HPD: variants seen among roughly 807,000 people sequenced by gnomAD.
The protein encoded by HPD is 4-hydroxyphenylpyruvate dioxygenase, also known as 4-hydroxyphenylpyruvic acid oxidase.
A neutral mutation model predicts 56.9 loss-of-function variants in HPD; 35 were observed. The observed-to-expected ratio is 0.62, with a 90% CI of 0.47 to 0.82. The LOEUF is 0.82. Among genes scored for constraint, HPD ranks in the 40% least tolerant of loss-of-function variants. The probability of loss-of-function intolerance (pLI) is 0.00; values close to 1 mark genes in which losing one functional copy is unlikely to be tolerated. For missense variants in HPD, 442 were observed against 506.8 expected, an observed-to-expected ratio of 0.87 and a Z score of 1.23; for synonymous variants, 186 against 200.2, an observed-to-expected ratio of 0.93 and a Z score of 0.60.
chr12:121,883,325 G>GT, the HPD span, among the ~76,000 whole-genome samples: 1 of 151,470 alleles, frequency 6.6e-6, no homozygotes. Context: ...CCATTAAGCA[G>GT]TAGCGTGCCA....
intron 8 of HPD, 81 bp from the exon 9 acceptor site, chr12:121,849,157 A>C: frequency 1.2e-6 from 1 of 826,314 alleles, no homozygotes; most frequent in Non-Finnish European, 2.1e-6. Context: ...AATAATAATA[A>C]TAGCTCACAC....
chr12:121,858,345 C>T (rs113718502), intron 2 of HPD, among the ~76,000 whole-genome samples: 467 of 152,118 alleles, frequency 3.1e-3, no homozygotes, highest in Middle Eastern at 6.8e-3. Flanking sequence ...CTACCATGCC[C>T]GGCTAATTTT....
upstream of HPD, among the ~76,000 whole-genome samples, chr12:121,864,014 G>A (rs1253723571): frequency 2.7e-5 from 4 of 149,678 alleles, no homozygotes; most frequent in African/African-American, 9.9e-5. Flanking sequence ...GATCATTTGA[G>A]GTCAGGAATT....
At chr12:121,868,366 C>T (rs536980000), upstream of HPD, among the ~76,000 whole-genome samples, 22 of 152,144 alleles carry the variant, frequency 1.4e-4, no homozygotes, top group South Asian at 2.5e-3. Flanking sequence ...TTTTTTGAGA[C>T]GGAGTCTTGC....
At chr12:121,850,295 C>G (rs1423100222) in intron 7 of HPD, among the ~76,000 whole-genome samples, 1 of 151,332 alleles carries the variant, frequency 6.6e-6, no homozygotes, top group South Asian at 2.1e-4. Flanking sequence ...GGTGGCGTGG[C>G]GGGTGCCCGT....
At chr12:121,853,577 G>C (rs1226360892) in intron 7 of HPD, among the ~76,000 whole-genome samples, 1 of 149,576 alleles carries the variant, frequency 6.7e-6, no homozygotes, top group African/African-American at 2.5e-5. Flanking sequence ...AGCCGAGATC[G>C]TGCCACTGCA....
chr12:121,847,343 A>G (rs1877622253), intron 9 of HPD, 129 bp from the exon 10 acceptor site: 1 of 799,032 alleles, frequency 1.3e-6, no homozygotes. Context: ...CATCATACCC[A>G]TCAGAGATTT....
Position 121,852,370 on chromosome 12 carries a change from A to G in HPD, c.414+2333T>C, listed in dbSNP as rs534211745. ...ATTTTTGTAGAGATGGGGTCTCCCT[A>G]TCTTGCCCATGCTGGTCTCGAACTC... On this transcript the variant is annotated intron_variant, in intron 7 of 13. Coordinates refer to ENST00000289004, the MANE Select transcript of HPD (RefSeq NM_002150.3). 2.0e-5 allele frequency among the ~76,000 whole-genome samples: 3 copies of G among 151,610 alleles called. No homozygotes were observed. The South Asian group carries it at 6.3e-4, about 32-fold the overall frequency.
rs184037916 is a variant in HPD, at chr12:121,853,750, C to T, written c.414+953G>A. On this transcript the variant is annotated intron_variant, in intron 7 of 13. Transcript: ENST00000289004. Reference sequence around the variant, plus strand: ...CTTGAGGTCAGGAGTTCGAGACCAGCCTGGCCAACATGGCAAAACCCTGTC... The same window carrying T: ...CTTGAGGTCAGGAGTTCGAGACCAGTCTGGCCAACATGGCAAAACCCTGTC... 3.1e-3 allele frequency among the ~76,000 whole-genome samples: 465 copies of T among 148,604 alleles called. 2 individuals carry two copies. The highest frequency in any genetic ancestry group is 0.011 in the African/African-American group (441 of 40,198).
upstream of HPD, chr12:121,858,955 CCCTGGAAGGTTCCAGG>C (rs1878105213): frequency 1.9e-6 from 2 of 1,040,292 alleles, no homozygotes; most frequent in Non-Finnish European, 3.0e-6. Flanking sequence ...CTGAGCCCAG[CCCTGGAAGGTTCCAGG>C]CCTGGGGACC....
chr12:121,887,479 C>T, the HPD span, among the ~76,000 whole-genome samples: 214 of 152,040 alleles, frequency 1.4e-3, no homozygotes, highest in African/African-American at 5.0e-3. Context: ...GCCAGGGGTT[C>T]GAGACCTCAG....
rs1276998235 is a variant in HPD at position 121,847,089 on chromosome 12, T to C, written c.722A>G (p.Asn241Ser). 6.2e-7 allele frequency: 1 copy of C among 1,614,056 alleles called. No homozygotes were observed. The change falls in exon 10 of 14, where the codon AAT (asparagine) becomes AGT (serine). Residue 241 changes from asparagine to serine, a missense_variant. Transcript: ENST00000289004. The part of the protein sequence containing the change: ...NYEESIKMPI[N>S]EPAPGKKKSQ... ...CTTCTTCTTGCCAGGCGCTGGCTCA[T>C]TGATGGGCATCTTGATGGACTCTTC...
upstream of HPD, among the ~76,000 whole-genome samples, chr12:121,864,199 G>A (rs1176517602): frequency 1.3e-5 from 2 of 151,186 alleles, no homozygotes; most frequent in Non-Finnish European, 2.9e-5. Flanking sequence ...AGCTGAGATC[G>A]TGCCACTGCA....
Position 121,840,787 on chromosome 12 carries a change from G to A in HPD, c.955-739C>T, listed in dbSNP as rs1014213196. On this transcript the variant is annotated intron_variant, in intron 12 of 13. Coordinates refer to ENST00000289004, the MANE Select transcript of HPD (RefSeq NM_002150.3). ...TAAAATACGGATTAAAAAAAAAAAA[G>A]GGGGTGGCCAGGCATGGTGGCTCAC... 3.3e-5 allele frequency among the ~76,000 whole-genome samples: 5 copies of A among 151,688 alleles called. No homozygotes were observed. The South Asian group carries it at 8.3e-4, about 25-fold the overall frequency.
At chr12:121,840,681 G>A (rs187925669) in intron 12 of HPD, among the ~76,000 whole-genome samples, 41 of 152,238 alleles carry the variant, frequency 2.7e-4, no homozygotes, top group African/African-American at 9.4e-4. Flanking sequence ...TGTACTGCTG[G>A]TGGGACTGTA....
chr12:121,865,691 A>G (rs1399176651), upstream of HPD, among the ~76,000 whole-genome samples: 1 of 151,956 alleles, frequency 6.6e-6, no homozygotes, highest in Non-Finnish European at 1.5e-5. Flanking sequence ...AACATTAACT[A>G]TTAAAAATAA....
upstream of HPD, chr12:121,859,087 G>T: frequency 1.8e-6 from 1 of 553,364 alleles, no homozygotes; most frequent in Non-Finnish European, 3.3e-6. Context: ...CAGAAGCCAA[G>T]GGCAAGCTTT....
chr12:121,853,486 G>C (rs572313215), intron 7 of HPD, among the ~76,000 whole-genome samples: 1 of 151,910 alleles, frequency 6.6e-6, no homozygotes, highest in Non-Finnish European at 1.5e-5. Context: ...GCCGGGCGTG[G>C]TGGCGGGCGC....
At position 121,845,382 on chromosome 12, in the gene HPD, A is replaced by G. The variant is rs185937663; in HGVS notation, c.831+1480T>C. Among the ~76,000 whole-genome samples, 378 of 149,338 alleles carry G rather than the reference A, an allele frequency of 2.5e-3. 7 individuals carry two copies. The East Asian group carries it at 0.033, about 13-fold the overall frequency. Reference sequence around the variant, plus strand: ...GAGGCCAAGGTGGGCAGATCACAAGATCAGGAGATCGAGACCATCCTGGCT... The same window carrying G: ...GAGGCCAAGGTGGGCAGATCACAAGGTCAGGAGATCGAGACCATCCTGGCT... On this transcript the variant is annotated intron_variant, in intron 11 of 13. Coordinates refer to ENST00000289004, the MANE Select transcript of HPD (RefSeq NM_002150.3).
Sources: gnomAD v4.1 joint callset for allele counts (sites outside exome capture counted in the v4.1 genomes callset) on GRCh38, gnomAD v4.1.1 for gene constraint, MANE v1.5 for transcripts, NCBI Gene and HGNC (gene_info 2026-07-23, HGNC 2026-07-21) for gene names.